The following SOCS7 variants were observed in gnomAD, a reference collection of about 807,000 sequenced individuals.
SOCS7 encodes NAP-4.
In SOCS7, 18 loss-of-function variants were observed where a neutral mutation model predicts 58.9. That is an observed-to-expected ratio of 0.31 (90% CI 0.21 to 0.45). The LOEUF (loss-of-function observed/expected upper bound fraction) is 0.45. Ranked by LOEUF, SOCS7 falls within the 20% of genes least tolerant of loss-of-function variation. The probability of loss-of-function intolerance (pLI) is 1.00; values close to 1 mark genes in which losing one functional copy is unlikely to be tolerated. For missense variants in SOCS7, 667 were observed against 837.3 expected (o/e 0.80, Z 2.51); for synonymous variants, 388 against 364.3 (o/e 1.06, Z -0.74).
At chr17:38,356,771 T>C (rs932722264) in intron 1 of SOCS7, among the ~76,000 whole-genome samples, 3 of 152,206 alleles carry the variant, frequency 2.0e-5, no homozygotes, top group African/African-American at 7.2e-5. Flanking sequence ...AACACACATA[T>C]GTTGGAATTC....
Position 38,404,728 on chromosome 17 carries a change from T to C in SOCS7, c.*5246T>C, listed in dbSNP as rs2038368103. On this transcript the variant is annotated 3_prime_UTR_variant, in exon 10 of 10. Coordinates refer to ENST00000612932, the MANE Select transcript of SOCS7 (RefSeq NM_014598.4). The stretch of plus-strand genomic sequence containing the variant: ...GCTCAGAGTTTCGTCCTGAGCTCCC[T>C]AACCAGCTCAGGTGGAGCAGAAGCC... 1 of 152,330 alleles carries C rather than the reference T, an allele frequency of 6.6e-6. No homozygotes were observed. The highest frequency in any genetic ancestry group is 2.4e-5 in the African/African-American group (1 of 41,474). 9.4% of individuals were successfully genotyped at this position (152,330 alleles called of 1,614,324 possible). A position where few individuals can be genotyped will look rare whatever the true frequency, so the allele number is the denominator to read the frequency against.
rs1307381721 is a variant in SOCS7 at position 38,401,250 on chromosome 17, T to TA, written c.*1769dup. 1 of 152,196 alleles carries TA rather than the reference T, an allele frequency of 6.6e-6. No homozygotes were observed. Among genetic ancestry groups the TA allele is most frequent in the African/African-American group, 2.4e-5 (1 of 41,458 alleles). The allele number at this position is 152,196 out of a possible 1,614,324, so 9.4% of individuals were successfully genotyped here. ...AGCCCACCTCTGATTTGTCATGTGGTACCTCTTCTTTCCTTGGCTTCCATG... is the reference window on the plus strand; with the variant it reads ...AGCCCACCTCTGATTTGTCATGTGGTAACCTCTTCTTTCCTTGGCTTCCATG... On this transcript the variant is annotated 3_prime_UTR_variant, in exon 10 of 10. Coordinates refer to ENST00000612932, the MANE Select transcript of SOCS7 (RefSeq NM_014598.4).
At chr17:38,361,427 C>G (rs2037717957) in intron 1 of SOCS7, among the ~76,000 whole-genome samples, 1 of 152,206 alleles carries the variant, frequency 6.6e-6, no homozygotes, top group Non-Finnish European at 1.5e-5. Flanking sequence ...TTGCTAATTA[C>G]CACTCAAGGT....
chr17:38,378,038 T>C (rs1231425408), intron 7 of SOCS7, among the ~76,000 whole-genome samples, 196 bp downstream of exon 7: 1 of 152,210 alleles, frequency 6.6e-6, no homozygotes, highest in Non-Finnish European at 1.5e-5. Flanking sequence ...AGGAGGAATC[T>C]TTGCTTCTCT....
rs561178442 is a variant in SOCS7 at position 38,352,033 on chromosome 17, G to GCCCT, written c.-10_-7dup. 1.4e-5 allele frequency among the ~76,000 whole-genome samples: 2 copies of GCCCT among 144,174 alleles called. No homozygotes were observed. Among genetic ancestry groups the GCCCT allele is most frequent in the South Asian group, 2.4e-4 (1 of 4,110 alleles). The allele number at this position is 144,174 out of a possible 152,430, so 94.6% of individuals were successfully genotyped here. On this transcript the variant is annotated 5_prime_UTR_variant, in exon 1 of 10. Coordinates refer to ENST00000612932, the MANE Select transcript of SOCS7 (RefSeq NM_014598.4). The surrounding 1 kb of genome is among the most constrained non-coding windows in gnomAD (Gnocchi z 5.5). ...ACCCCAGCCCGGCTCCCAGCCGCCC[G>GCCCT]CCCTCCCTCCCTCTCCCCGATGCAG...
At position 38,401,091 on chromosome 17, in the gene SOCS7, G is replaced by A. The variant is rs2038312625; in HGVS notation, c.*1609G>A. On this transcript the variant is annotated 3_prime_UTR_variant, in exon 10 of 10. Coordinates refer to ENST00000612932, the MANE Select transcript of SOCS7 (RefSeq NM_014598.4). ...GGTAATTTATAGGACTGCCTCATCT[G>A]GGAGCATTGCCTTCTTCCTTAGTCC... 1 of 152,158 alleles carries A rather than the reference G, an allele frequency of 6.6e-6. No individual in the cohort carries two copies. Among genetic ancestry groups the A allele is most frequent in the African/African-American group, 2.4e-5 (1 of 41,428 alleles). 9.4% of individuals were successfully genotyped at this position (152,158 alleles called of 1,614,324 possible).
intron 7 of SOCS7, among the ~76,000 whole-genome samples, chr17:38,393,016 GT>G (rs112617828): frequency 4.1e-5 from 6 of 147,220 alleles, no homozygotes; most frequent in Non-Finnish European, 1.5e-5. Context: ...TATTATTTTT[GT>G]TTTTTTTTTA....
intron 7 of SOCS7, among the ~76,000 whole-genome samples, chr17:38,381,527 G>C (rs2038000066): frequency 6.6e-6 from 1 of 152,204 alleles, no homozygotes; most frequent in Non-Finnish European, 1.5e-5. Context: ...GTTACCCTTT[G>C]AGGGGATAGT....
chr17:38,392,820 T>C (rs1341858768), intron 7 of SOCS7, among the ~76,000 whole-genome samples: 1 of 152,010 alleles, frequency 6.6e-6, no homozygotes, highest in East Asian at 1.9e-4. Context: ...TGCTGAGAGG[T>C]TCCTCGGCTA....
At chr17:38,364,196 A>G (rs1041458991) in intron 2 of SOCS7, among the ~76,000 whole-genome samples, 1 of 152,250 alleles carries the variant, frequency 6.6e-6, no homozygotes, top group Non-Finnish European at 1.5e-5. Context: ...AAGAACAGAT[A>G]TCTTATTCAG....
rs939456846 is a variant in SOCS7 at position 38,351,964 on chromosome 17, G to C, written c.-89G>C. ...GCGGCCGTTAGCGCTGTCGCTCCGG[G>C]GGCCGCGGCGGGCGGGGCTCCGGCG... On this transcript the variant is annotated 5_prime_UTR_variant, in exon 1 of 10. Coordinates refer to ENST00000612932, the MANE Select transcript of SOCS7 (RefSeq NM_014598.4). Among the ~76,000 whole-genome samples, 1 of 151,190 alleles carries C rather than the reference G, an allele frequency of 6.6e-6. No individual in the cohort carries two copies. Among genetic ancestry groups the C allele is most frequent in the Non-Finnish European group, 1.5e-5 (1 of 67,690 alleles).
chr17:38,357,734 A>G (rs1000346629), intron 1 of SOCS7, among the ~76,000 whole-genome samples: 3 of 152,256 alleles, frequency 2.0e-5, no homozygotes, highest in East Asian at 1.9e-4. Context: ...GCAGAGGTAC[A>G]TTGGAGCCAT....
chr17:38,372,772 C>T (rs577495025), intron 6 of SOCS7, among the ~76,000 whole-genome samples: 1 of 152,222 alleles, frequency 6.6e-6, no homozygotes, highest in East Asian at 1.9e-4. Context: ...TGGTTGTTCA[C>T]CATTTCAAGA....
chr17:38,368,072 G>T, intron 6 of SOCS7, 22 bp downstream of exon 6: 1 of 1,562,090 alleles, frequency 6.4e-7, no homozygotes, highest in Non-Finnish European at 8.7e-7. Flanking sequence ...TGGTAAGAGA[G>T]GCTTCTTCCC....
rs1555568156 is a variant in SOCS7 at position 38,365,377 on chromosome 17, C to T, written c.1220C>T (p.Pro407Leu). The change falls in exon 4 of 10, where the codon CCC becomes CTC. Residue 407 changes from proline to leucine, a missense_variant. Coordinates refer to ENST00000612932, the MANE Select transcript of SOCS7 (RefSeq NM_014598.4). ...APMGSSLQSF[P>L]LPPPPPPHAP... ...ATGGGGTCTTCCTTGCAGTCTTTCC[C>T]CCTACCTCCGCCTCCTCCACCCCAT... is the stretch of plus-strand genomic sequence containing the variant. The T allele has an allele frequency of 1.9e-6, 3 of 1,612,420 alleles. No homozygotes were observed. The Admixed American group carries it at 5.0e-5, about 27-fold the overall frequency.
At position 38,404,233 on chromosome 17, in the gene SOCS7, T is replaced by C. The variant is rs1161220982; in HGVS notation, c.*4751T>C. The C allele has an allele frequency of 1.3e-5, 2 of 152,202 alleles. No individual in the cohort carries two copies. Among genetic ancestry groups the C allele is most frequent in the African/African-American group, 2.4e-5 (1 of 41,434 alleles). The allele number at this position is 152,202 out of a possible 1,614,324, so 9.4% of individuals were successfully genotyped here. On this transcript the variant is annotated 3_prime_UTR_variant, in exon 10 of 10. Coordinates refer to ENST00000612932, the MANE Select transcript of SOCS7 (RefSeq NM_014598.4). The stretch of plus-strand genomic sequence containing the variant: ...TACTGCAGTTAGGAAAGTAGCGTTA[T>C]GAGTTGTACTGAAAATGTTGATTCT...
At chr17:38,365,433 C>A in intron 4 of SOCS7, 24 bp downstream of exon 4, 1 of 1,511,096 alleles carries the variant, frequency 6.6e-7, no homozygotes, top group Non-Finnish European at 9.1e-7. Flanking sequence ...AGAGGCAAGA[C>A]TTGTAAGAGT....
intron 2 of SOCS7, among the ~76,000 whole-genome samples, chr17:38,363,766 C>T (rs1195566029): frequency 3.3e-5 from 5 of 151,774 alleles, no homozygotes; most frequent in African/African-American, 7.3e-5. Flanking sequence ...ATTTTCTTAA[C>T]GGGGAAACAT....
intron 7 of SOCS7, among the ~76,000 whole-genome samples, chr17:38,394,766 G>A (rs979426679): frequency 6.6e-6 from 1 of 152,138 alleles, no homozygotes; most frequent in African/African-American, 2.4e-5. Flanking sequence ...AGTGATGCTA[G>A]GAGCCAGGCA....
Sources: allele counts gnomAD v4.1 joint callset (sites outside exome capture counted in the v4.1 genomes callset), GRCh38; gene constraint gnomAD v4.1.1; non-coding constraint Gnocchi (gnomAD v3.1); transcripts MANE v1.5; gene names NCBI Gene and HGNC (gene_info 2026-07-23, HGNC 2026-07-21).